The following TSC22D4 variants were observed in gnomAD, a reference collection of about 807,000 sequenced individuals.
TSC22D4 encodes the protein TSC22 domain family member 4, also known as TSC22 domain family protein 4.
Under a neutral mutation model 24.9 loss-of-function variants are expected in TSC22D4, and 5 were observed. The observed-to-expected ratio is 0.20, with a 90% confidence interval of 0.10 to 0.42. The LOEUF (loss-of-function observed/expected upper bound fraction) is 0.42. Ranked by LOEUF, TSC22D4 falls within the 10% of genes least tolerant of loss-of-function variation. The pLI is 1.00. For synonymous variants in TSC22D4, 245 were observed against 243.2 expected, an observed-to-expected ratio of 1.01 and a Z score of -0.07; for missense variants, 469 against 547.9, an observed-to-expected ratio of 0.86 and a Z score of 1.44.
Position 100,478,225 on chromosome 7 carries a change from A to T in TSC22D4, c.-187T>A. Reference sequence around the variant, plus strand: ...GCCTGCTGGGTGAGGGGAGAAGAGGAGAGGGGAGGTGGCGGGAGGGGGGAG... The same window carrying T: ...GCCTGCTGGGTGAGGGGAGAAGAGGTGAGGGGAGGTGGCGGGAGGGGGGAG... On this transcript the variant is annotated 5_prime_UTR_variant, in exon 2 of 5. Coordinates refer to ENST00000300181, the MANE Select transcript of TSC22D4 (RefSeq NM_030935.5). The T allele has an allele frequency of 7.6e-6, 1 of 132,092 alleles. No homozygotes were observed. The highest frequency in any genetic ancestry group is 1.4e-5 in the Non-Finnish European group (1 of 69,170). The allele number at this position is 132,092 out of a possible 1,614,324, so 8.2% of individuals were successfully genotyped here. A position where few individuals can be genotyped will look rare whatever the true frequency, so the allele number is the denominator to read the frequency against.
chr7:100,474,156 G>A lies in TSC22D4; in HGVS notation c.929+118C>T, dbSNP rs1799446693. 9.6e-6 allele frequency: 13 copies of A among 1,360,058 alleles called. 1 individual carries two copies. The South Asian group carries it at 1.7e-4, about 18-fold the overall frequency. 84.2% of individuals were successfully genotyped at this position (1,360,058 alleles called of 1,614,324 possible). A position where few individuals can be genotyped will look rare whatever the true frequency, so the allele number is the denominator to read the frequency against. ...TGCCCAGGCCAGGTTTCTCTAAGAG[G>A]TCCTCTCCAAGTTCAACCTGGGGGA... On this transcript the variant is annotated intron_variant, in intron 3 of 4. Transcript: ENST00000300181. This position sits in a 1 kb window ranked among gnomAD's most constrained non-coding sequence, Gnocchi z 4.3.
At position 100,477,458 on chromosome 7, in the gene TSC22D4, C is replaced by T. The variant is rs374915525; in HGVS notation, c.581G>A (p.Arg194His). Residue 194 changes from arginine (R) to histidine (H), a missense_variant, in exon 2 of 5, where the codon CGC (arginine) becomes CAC (histidine). Coordinates refer to ENST00000300181, the MANE Select transcript of TSC22D4 (RefSeq NM_030935.5). This position sits in a 1 kb window ranked among gnomAD's most constrained non-coding sequence, Gnocchi z 7.8. ...PPLSASSPQQRPPEPETGESA... is the reference protein window; with the variant it reads ...PPLSASSPQQHPPEPETGESA... ...CTCACCGGTCTCAGGCTCTGGGGGG[C>T]GCTGCTGGGGTGAGGAGGCCGACAG... The T allele has an allele frequency of 7.7e-6, 12 of 1,560,842 alleles. No individual in the cohort carries two copies. The East Asian group carries it at 9.0e-5, about 12-fold the overall frequency.
intron 2 of TSC22D4, among the ~76,000 whole-genome samples, chr7:100,475,683 A>G (rs1202840312): frequency 3.1e-5 from 4 of 129,482 alleles, no homozygotes; most frequent in African/African-American, 6.0e-5. Context: ...TTGGGGGGGG[A>G]GCTGGTTGTG....
chr7:100,475,454 G>A (rs1297450756), intron 2 of TSC22D4, among the ~76,000 whole-genome samples: 1 of 152,152 alleles, frequency 6.6e-6, no homozygotes, highest in African/African-American at 2.4e-5. Context: ...CTGGTTTACT[G>A]AACTATTTCA....
intron 3 of TSC22D4, among the ~76,000 whole-genome samples, chr7:100,472,212 C>T (rs966021476): frequency 6.6e-6 from 1 of 152,266 alleles, no homozygotes. Context: ...TCCTGCCAGC[C>T]CTGTGCACAC....
intron 2 of TSC22D4, among the ~76,000 whole-genome samples, chr7:100,475,898 C>T (rs1799487228): frequency 1.3e-5 from 2 of 152,004 alleles, no homozygotes; most frequent in South Asian, 4.2e-4. Flanking sequence ...GGTGGTGTCC[C>T]CTGGCCCTTC....
At position 100,467,563 on chromosome 7, in the gene TSC22D4, C is replaced by T; in HGVS notation, c.967G>A (p.Glu323Lys). ...GSLVGIDNKIEQAMDLVKSHL... is the reference protein window; with the variant it reads ...GSLVGIDNKIKQAMDLVKSHL... Reference sequence around the variant, plus strand: ...ATGGCTTCTCTTACCATGGCTTGCTCGATTTTGTTGTCAATGCCAACCAGG... The same window carrying T: ...ATGGCTTCTCTTACCATGGCTTGCTTGATTTTGTTGTCAATGCCAACCAGG... Residue 323 changes from glutamate (E) to lysine (K), a missense_variant, in exon 4 of 5, where the codon GAG (glutamate) becomes AAG (lysine). Physicochemically the swap from Glu to Lys is moderately conservative, Grantham distance 56. Coordinates refer to ENST00000300181, the MANE Select transcript of TSC22D4 (RefSeq NM_030935.5). 6.2e-7 allele frequency: 1 copy of T among 1,614,018 alleles called. No homozygotes were observed. The highest frequency in any genetic ancestry group is 8.5e-7 in the Non-Finnish European group (1 of 1,179,974).
Position 100,477,734 on chromosome 7 carries a change from G to A in TSC22D4, c.305C>T (p.Pro102Leu). 2 of 1,602,564 alleles carry A rather than the reference G, an allele frequency of 1.2e-6. 1 individual carries two copies. The highest frequency in any genetic ancestry group is 2.2e-5 in the South Asian group (2 of 90,940). Reference protein sequence around the residue: ...CVDVYERDLEPHSFGGLLEGI... With the variant: ...CVDVYERDLELHSFGGLLEGI... ...CTCCAGGAGTCCGCCGAAGCTGTGG[G>A]GCTCCAGGTCTCGCTCATAAACATC... Residue 102 changes from proline to leucine, a missense_variant, in exon 2 of 5, where the codon CCC becomes CTC. By Grantham distance (98) the Pro-to-Leu change is moderately conservative. Coordinates refer to ENST00000300181, the MANE Select transcript of TSC22D4 (RefSeq NM_030935.5). The surrounding 1 kb of genome is among the most constrained non-coding windows in gnomAD (Gnocchi z 7.8).
chr7:100,471,713 T>C (rs1052128468), intron 3 of TSC22D4, among the ~76,000 whole-genome samples: 5 of 151,846 alleles, frequency 3.3e-5, no homozygotes, highest in African/African-American at 1.2e-4. Context: ...GCATTCCAGC[T>C]TGGGAAACAG....
chr7:100,467,972 C>T, intron 3 of TSC22D4: 2 of 497,282 alleles, frequency 4.0e-6, no homozygotes, highest in South Asian at 3.1e-5. Flanking sequence ...TTAGACACCC[C>T]CCCAATGGAG....
chr7:100,476,962 C>G (rs1469421439), intron 2 of TSC22D4, among the ~76,000 whole-genome samples: 1 of 152,108 alleles, frequency 6.6e-6, no homozygotes, highest in African/African-American at 2.4e-5. Flanking sequence ...CACCTAGAGG[C>G]AGAGGGGCTG....
In TSC22D4 at chr7:100,478,820, G is replaced by C. The variant is rs1299211957; in HGVS notation, c.-296C>G. On this transcript the variant is annotated 5_prime_UTR_variant, in exon 1 of 5. Transcript: ENST00000300181. ...TCTGGGGCCTCGGCCACTGATCTGA[G>C]CCTGAGGGTCCCGGCGCCTAAGAGG... 6.6e-6 allele frequency: 1 copy of C among 152,224 alleles called. No individual in the cohort carries two copies. The highest frequency in any genetic ancestry group is 1.5e-5 in the Non-Finnish European group (1 of 68,112). The allele number at this position is 152,224 out of a possible 1,614,324, so 9.4% of individuals were successfully genotyped here. A position where few individuals can be genotyped will look rare whatever the true frequency, so the allele number is the denominator to read the frequency against.
intron 3 of TSC22D4, 132 bp from the exon 4 acceptor site, chr7:100,467,732 C>A: frequency 4.0e-6 from 4 of 988,366 alleles, no homozygotes; most frequent in Non-Finnish European, 6.3e-6. Flanking sequence ...AGGGTTTTGT[C>A]CATCCCCCTG....
intron 3 of TSC22D4, among the ~76,000 whole-genome samples, chr7:100,470,727 G>A (rs542006412): frequency 2.0e-5 from 3 of 152,294 alleles, no homozygotes; most frequent in East Asian, 1.9e-4. Context: ...GACAGGGTCC[G>A]GGGGAGGAAA....
At position 100,477,852 on chromosome 7, in the gene TSC22D4, G is replaced by A; in HGVS notation, c.187C>T (p.Pro63Ser). 1.3e-6 allele frequency: 2 copies of A among 1,595,894 alleles called. No homozygotes were observed. Among genetic ancestry groups the A allele is most frequent in the South Asian group, 1.1e-5 (1 of 89,220 alleles). ...GGKGTPRNGS[P>S]PPGAPSSRFR... ...CGGGAGGAAGGGGCCCCAGGTGGTG[G>A]GGAGCCATTCCGGGGGGTGCCCTTG... The change falls in exon 2 of 5, where the codon CCA becomes TCA. Residue 63 changes from proline to serine, a missense_variant. Transcript: ENST00000300181. This position sits in a 1 kb window ranked among gnomAD's most constrained non-coding sequence, Gnocchi z 7.8.
Position 100,474,078 on chromosome 7 carries a change from A to T in TSC22D4, c.929+196T>A. 1.6e-6 allele frequency: 1 copy of T among 633,022 alleles called. No individual in the cohort carries two copies. The highest frequency in any genetic ancestry group is 2.7e-6 in the Non-Finnish European group (1 of 375,186). 39.2% of individuals were successfully genotyped at this position (633,022 alleles called of 1,614,324 possible). A position where few individuals can be genotyped will look rare whatever the true frequency, so the allele number is the denominator to read the frequency against. ...AGTTCTGAGCCAGGGAGTCCCACCCAGCCCTCTCCACAGAGAGGGAGTGGG... is the reference window on the plus strand; with the variant it reads ...AGTTCTGAGCCAGGGAGTCCCACCCTGCCCTCTCCACAGAGAGGGAGTGGG... On this transcript the variant is annotated intron_variant, in intron 3 of 4. Coordinates refer to ENST00000300181, the MANE Select transcript of TSC22D4 (RefSeq NM_030935.5). This position sits in a 1 kb window ranked among gnomAD's most constrained non-coding sequence, Gnocchi z 4.3.
chr7:100,476,240 G>A (rs1051153995), intron 2 of TSC22D4, among the ~76,000 whole-genome samples: 1 of 149,806 alleles, frequency 6.7e-6, no homozygotes, highest in Admixed American at 6.6e-5. Flanking sequence ...GTTGGGGGAG[G>A]GGGGGTAGGA....
chr7:100,477,208 A>C lies in TSC22D4; in HGVS notation c.762+69T>G. The stretch of plus-strand genomic sequence containing the variant: ...GAAGGAGGAGGAGAGGGGGGGGAGG[A>C]GGAGGAAGGAGGCTCAAGATAGAGG... On this transcript the variant is annotated intron_variant, in intron 2 of 4. Transcript: ENST00000300181. The surrounding 1 kb of genome is among the most constrained non-coding windows in gnomAD (Gnocchi z 7.8). 12 of 1,159,490 alleles carry C rather than the reference A, an allele frequency of 1.0e-5. No homozygotes were observed. Among genetic ancestry groups the C allele is most frequent in the Non-Finnish European group, 1.4e-5 (12 of 872,242 alleles). The allele number at this position is 1,159,490 out of a possible 1,614,324, so 71.8% of individuals were successfully genotyped here. A position where few individuals can be genotyped will look rare whatever the true frequency, so the allele number is the denominator to read the frequency against.
rs926426000 is a variant in TSC22D4, at chr7:100,477,531, G to C, written c.508C>G (p.Leu170Val). ...GPQARSFTGG[L>V]GQLVVPSKAK... ...TTGCTGGGCACCACCAGCTGGCCCA[G>C]TCCCCCAGTGAAGGAGCGGGCCTGA... Residue 170 changes from leucine (L) to valine (V), a missense_variant, in exon 2 of 5, where the codon CTG (leucine) becomes GTG (valine). Physicochemically the swap from Leu to Val is conservative, Grantham distance 32. Transcript: ENST00000300181. This position sits in a 1 kb window ranked among gnomAD's most constrained non-coding sequence, Gnocchi z 7.8. The C allele has an allele frequency of 1.9e-6, 3 of 1,559,996 alleles. No individual in the cohort carries two copies. In the African/African-American group the frequency reaches 4.1e-5, roughly 21 times the overall value.
Sources: allele counts gnomAD v4.1 joint callset (sites outside exome capture counted in the v4.1 genomes callset), GRCh38; gene constraint gnomAD v4.1.1; non-coding constraint Gnocchi (gnomAD v3.1); transcripts MANE v1.5; gene names NCBI Gene and HGNC (gene_info 2026-07-23, HGNC 2026-07-21).